Variants in CACNA1D observed in about 807,000 individuals in gnomAD.
CACNA1D encodes the protein calcium voltage-gated channel subunit alpha1 D.
CACNA1D carries 55 observed loss-of-function variants against 257.1 expected under a neutral mutation model. That is an observed-to-expected ratio of 0.21 (90% CI 0.17 to 0.27). The LOEUF is 0.27. Ranked by LOEUF, CACNA1D falls within the 10% of genes least tolerant of loss-of-function variation. CACNA1D has a pLI of 1.00. For missense variants in CACNA1D, 1,876 were observed against 2,784.0 expected, an observed-to-expected ratio of 0.67 and a Z score of 7.34; for synonymous variants, 980 against 1,014.9, an observed-to-expected ratio of 0.97 and a Z score of 0.65.
rs973381142 is a variant in CACNA1D at position 53,753,781 on chromosome 3, T to C, written c.3786+99T>C. On this transcript the variant is annotated intron_variant, in intron 29 of 47. Coordinates refer to ENST00000350061, the MANE Select transcript of CACNA1D (RefSeq NM_001128840.3). The stretch of plus-strand genomic sequence containing the variant: ...TGTGTTACTGAATTATGCTAAAGTG[T>C]TCTGGCCGCTAACTGGGTTACCACC... The C allele has an allele frequency of 6.5e-6, 5 of 770,070 alleles. No individual in the cohort carries two copies. In the Admixed American group the frequency reaches 7.6e-5, roughly 12 times the overall value. The allele number at this position is 770,070 out of a possible 1,614,324, so 47.7% of individuals were successfully genotyped here.
At chr3:53,761,373 C>T (rs1207609465) in intron 29 of CACNA1D, among the ~76,000 whole-genome samples, 1 of 152,228 alleles carries the variant, frequency 6.6e-6, no homozygotes, top group Non-Finnish European at 1.5e-5. Context: ...GTCTCTGCCA[C>T]GACGCTGTGC....
chr3:53,551,744 G>A (rs573861860), intron 3 of CACNA1D, among the ~76,000 whole-genome samples: 53 of 152,316 alleles, frequency 3.5e-4, no homozygotes, highest in African/African-American at 1.3e-3. Flanking sequence ...AGGAAACACA[G>A]GGTGTGAAGG....
At chr3:53,520,851 T>C (rs933368324) in intron 3 of CACNA1D, among the ~76,000 whole-genome samples, 1 of 77,090 alleles carries the variant, frequency 1.3e-5, no homozygotes, top group African/African-American at 5.3e-5. Flanking sequence ...TGCAAACTCC[T>C]TTCTTTCTTT....
At chr3:53,502,099 A>G (rs1197990384) in intron 3 of CACNA1D, among the ~76,000 whole-genome samples, 2 of 144,578 alleles carry the variant, frequency 1.4e-5, no homozygotes, top group African/African-American at 2.6e-5. Flanking sequence ...AGTGGTGGGT[A>G]CTTTGGTCAG....
chr3:53,598,438 G>A (rs2093399100), intron 3 of CACNA1D, among the ~76,000 whole-genome samples: 1 of 151,464 alleles, frequency 6.6e-6, no homozygotes, highest in Non-Finnish European at 1.5e-5. Flanking sequence ...CCAAAAATTA[G>A]TTTGGGCATG....
At chr3:53,554,351 G>A (rs2092599120) in intron 3 of CACNA1D, among the ~76,000 whole-genome samples, 1 of 152,182 alleles carries the variant, frequency 6.6e-6, no homozygotes, top group Admixed American at 6.5e-5. Flanking sequence ...AATAGAAATT[G>A]TGTCAGTAAT....
intron 40 of CACNA1D, chr3:53,796,116 G>A (rs1576693914): frequency 7.1e-6 from 2 of 283,350 alleles, no homozygotes; most frequent in Non-Finnish European, 1.5e-5. Context: ...TATTCCATAA[G>A]AACTTAATCT....
intron 3 of CACNA1D, among the ~76,000 whole-genome samples, chr3:53,639,392 T>C (rs894770096): frequency 6.1e-5 from 9 of 147,086 alleles, no homozygotes; most frequent in East Asian, 2.0e-4. Context: ...CTCTCTCTCT[T>C]TTTTTTTTTT....
intron 3 of CACNA1D, among the ~76,000 whole-genome samples, chr3:53,617,667 C>T (rs1357435583): frequency 6.6e-6 from 1 of 152,178 alleles, no homozygotes; most frequent in Non-Finnish European, 1.5e-5. Context: ...CAGTAATTGA[C>T]TACCCAGCAA....
At chr3:53,762,454 G>T (rs540480466) in intron 30 of CACNA1D, 3 of 431,736 alleles carry the variant, frequency 6.9e-6, no homozygotes, top group South Asian at 5.1e-5. Flanking sequence ...CGTGTGGCGC[G>T]ATGCTAGAAT....
At chr3:53,615,493 C>T (rs1021466627) in intron 3 of CACNA1D, among the ~76,000 whole-genome samples, 12 of 152,190 alleles carry the variant, frequency 7.9e-5, no homozygotes, top group African/African-American at 4.8e-5. Flanking sequence ...GTGCTCATCC[C>T]GTGTTTAAAT....
intron 3 of CACNA1D, among the ~76,000 whole-genome samples, chr3:53,506,216 G>T (rs2090839670): frequency 6.6e-6 from 1 of 152,176 alleles, no homozygotes. Context: ...CAGCTCATAT[G>T]CTGCTTCTTC....
At chr3:53,613,282 A>G (rs948483536) in intron 3 of CACNA1D, among the ~76,000 whole-genome samples, 1 of 152,234 alleles carries the variant, frequency 6.6e-6, no homozygotes, top group Non-Finnish European at 1.5e-5. Flanking sequence ...TTGACCACAA[A>G]GAAGATGGCC....
In CACNA1D at chr3:53,721,823, A is replaced by G. The variant is rs183170679; in HGVS notation, c.1506-491A>G. 1.1e-3 allele frequency among the ~76,000 whole-genome samples: 165 copies of G among 152,136 alleles called. 2 individuals carry two copies. The highest frequency in any genetic ancestry group is 3.4e-3 in the Middle Eastern group (1 of 294). ...GGTTCCCTTTAAAAAAAAAAAAACT[A>G]GCTTTGTAGCACTTTGCTGCCTGGT... is the stretch of plus-strand genomic sequence containing the variant. On this transcript the variant is annotated intron_variant, in intron 11 of 47. Transcript: ENST00000350061.
chr3:53,725,215 G>A (rs749305558), intron 14 of CACNA1D, among the ~76,000 whole-genome samples: 2 of 152,134 alleles, frequency 1.3e-5, no homozygotes, highest in Non-Finnish European at 2.9e-5. Context: ...CTCACTGTAC[G>A]TGCTGTTTTG....
intron 3 of CACNA1D, among the ~76,000 whole-genome samples, chr3:53,626,360 A>T (rs1184397018): frequency 6.6e-6 from 1 of 152,196 alleles, no homozygotes; most frequent in African/African-American, 2.4e-5. Context: ...CTAGCTTTAT[A>T]TATGGTTGTA....
chr3:53,696,853 G>A (rs562592407), intron 8 of CACNA1D, among the ~76,000 whole-genome samples: 14 of 152,314 alleles, frequency 9.2e-5, no homozygotes, highest in African/African-American at 3.1e-4. Flanking sequence ...GTGGCAGGCA[G>A]AAGCATCTGA....
chr3:53,729,697 T>G (rs2094970190), intron 15 of CACNA1D, among the ~76,000 whole-genome samples: 1 of 152,198 alleles, frequency 6.6e-6, no homozygotes, highest in South Asian at 2.1e-4. Context: ...CACCTAACCT[T>G]TTATTGTGTT....
At position 53,774,744 on chromosome 3, in the gene CACNA1D, A is replaced by C; in HGVS notation, c.4202+66A>C. On this transcript the variant is annotated intron_variant, in intron 34 of 47. Coordinates refer to ENST00000350061, the MANE Select transcript of CACNA1D (RefSeq NM_001128840.3). The surrounding 1 kb of genome is among the most constrained non-coding windows in gnomAD (Gnocchi z 4.3). ...GTCCGCTAGGCGTGGGTCCAGAGGG[A>C]CGGAGGACACAGGTTATTAAAGCAG... The C allele has an allele frequency of 1.1e-6, 1 of 877,640 alleles. No individual in the cohort carries two copies. The highest frequency in any genetic ancestry group is 2.0e-6 in the Non-Finnish European group (1 of 510,044). 54.4% of individuals were successfully genotyped at this position (877,640 alleles called of 1,614,324 possible).
Sources: gnomAD v4.1 joint callset for allele counts (sites outside exome capture counted in the v4.1 genomes callset) on GRCh38, gnomAD v4.1.1 for gene constraint, Gnocchi (gnomAD v3.1) non-coding constraint, MANE v1.5 for transcripts, NCBI Gene and HGNC (gene_info 2026-07-23, HGNC 2026-07-21) for gene names.